The following SLC9D1 variants were observed in gnomAD, a reference collection of about 807,000 sequenced individuals.
SLC9D1 encodes the protein solute carrier family 9 member D1, also known as putative LAG1-interacting protein.
the SLC9D1 span, among the ~76,000 whole-genome samples, chr13:113,548,650 T>G: frequency 6.6e-6 from 1 of 152,258 alleles, no homozygotes; most frequent in Non-Finnish European, 1.5e-5. Flanking sequence ...CAGTTAGTAC[T>G]GCTTGAACTA....
the SLC9D1 span, among the ~76,000 whole-genome samples, chr13:113,535,500 T>C: frequency 1.3e-5 from 2 of 152,354 alleles, no homozygotes; most frequent in Non-Finnish European, 1.5e-5. This position sits in a 1 kb window ranked among gnomAD's most constrained non-coding sequence, Gnocchi z 4.1. Flanking sequence ...CAGTAGCCTG[T>C]ACACAGGTGT....
chr13:113,514,727 A>G, the SLC9D1 span, among the ~76,000 whole-genome samples: 1 of 151,950 alleles, frequency 6.6e-6, no homozygotes, highest in South Asian at 2.1e-4. Context: ...CTTGCTGCCA[A>G]GCTTTGTTTT....
chr13:113,510,862 T>G, the SLC9D1 span, among the ~76,000 whole-genome samples: 4 of 152,254 alleles, frequency 2.6e-5, no homozygotes, highest in Non-Finnish European at 4.4e-5. Context: ...TTCCCGACTC[T>G]TTGGCTTTGG....
At chr13:113,539,599 A>G in the SLC9D1 span, 1 of 1,340,796 alleles carries the variant, frequency 7.5e-7, no homozygotes, top group African/African-American at 1.5e-5. This position sits in a 1 kb window ranked among gnomAD's most constrained non-coding sequence, Gnocchi z 4.8. Context: ...TTTATATAGC[A>G]AAAATGGTTA....
the SLC9D1 span, chr13:113,514,204 G>A: frequency 2.0e-5 from 3 of 151,454 alleles, no homozygotes; most frequent in African/African-American, 4.9e-5. Flanking sequence ...CCTCACTATG[G>A]GGACAACTGT....
the SLC9D1 span, among the ~76,000 whole-genome samples, chr13:113,509,187 C>G: frequency 6.3e-5 from 6 of 94,836 alleles, no homozygotes; most frequent in African/African-American, 3.8e-4. Context: ...GCAGGTGGGT[C>G]CCCCCTGGAG....
At chr13:113,515,966 C>A in the SLC9D1 span, among the ~76,000 whole-genome samples, 1 of 147,956 alleles carries the variant, frequency 6.8e-6, no homozygotes, top group Non-Finnish European at 1.5e-5. Context: ...ACTTTGTGAA[C>A]TGGTTTATTG....
At chr13:113,549,293 G>A in the SLC9D1 span, 1 of 1,021,076 alleles carries the variant, frequency 9.8e-7, no homozygotes, top group East Asian at 2.6e-5. Flanking sequence ...CACTCAGCGT[G>A]ACTGTGCTCA....
At chr13:113,510,070 AG>A in the SLC9D1 span, among the ~76,000 whole-genome samples, 2 of 152,174 alleles carry the variant, frequency 1.3e-5, no homozygotes, top group Admixed American at 6.5e-5. Flanking sequence ...CCTGGCACAG[AG>A]GAAGCCCTGT....
the SLC9D1 span, chr13:113,514,450 T>C: frequency 2.6e-5 from 4 of 151,934 alleles, no homozygotes; most frequent in African/African-American, 9.7e-5. Context: ...GCCTCGCTAG[T>C]ATTCGGGGTG....
the SLC9D1 span, among the ~76,000 whole-genome samples, chr13:113,494,269 A>G: frequency 6.6e-6 from 1 of 152,042 alleles, no homozygotes; most frequent in Non-Finnish European, 1.5e-5. Context: ...TGGGATAGCT[A>G]CTTGTGACTG....
At chr13:113,547,020 CTGTGTGTTTTGCTGTG>C in the SLC9D1 span, 1 of 423,368 alleles carries the variant, frequency 2.4e-6, no homozygotes, top group Non-Finnish European at 4.3e-6. Context: ...AGTGCCGCCT[CTGTGTGTTTTGCTGTG>C]TCCTCTGCAG....
At chr13:113,516,417 T>C in the SLC9D1 span, among the ~76,000 whole-genome samples, 1 of 151,904 alleles carries the variant, frequency 6.6e-6, no homozygotes, top group African/African-American at 2.4e-5. Flanking sequence ...ATATAAAAAT[T>C]AGCCGGGCAT....
the SLC9D1 span, among the ~76,000 whole-genome samples, chr13:113,515,628 A>T: frequency 6.6e-6 from 1 of 152,194 alleles, no homozygotes; most frequent in Non-Finnish European, 1.5e-5. Context: ...ACGGTGGCTC[A>T]CGCTGGTAAT....
chr13:113,537,888 CGT>C, the SLC9D1 span, among the ~76,000 whole-genome samples: 3 of 151,980 alleles, frequency 2.0e-5, no homozygotes, highest in Admixed American at 2.0e-4. Flanking sequence ...ACCAAGTAGC[CGT>C]GTGTGTGTGC....
At chr13:113,534,108 G>A in the SLC9D1 span, 8 of 1,612,922 alleles carry the variant, frequency 5.0e-6, no homozygotes, top group Admixed American at 6.7e-5. Flanking sequence ...CACTAGCGGC[G>A]GTTTTTCTTT....
the SLC9D1 span, among the ~76,000 whole-genome samples, chr13:113,533,697 G>A: frequency 5.9e-5 from 9 of 152,326 alleles, no homozygotes; most frequent in East Asian, 1.9e-4. Flanking sequence ...GAGAGCAACC[G>A]CTGCCTGGCG....
the SLC9D1 span, among the ~76,000 whole-genome samples, chr13:113,492,252 A>G: frequency 6.6e-6 from 1 of 152,184 alleles, no homozygotes; most frequent in East Asian, 1.9e-4. Context: ...CTGGGAATAC[A>G]GATAATTGTG....
At chr13:113,523,948 G>A in the SLC9D1 span, among the ~76,000 whole-genome samples, 3 of 152,142 alleles carry the variant, frequency 2.0e-5, no homozygotes, top group African/African-American at 7.2e-5. Flanking sequence ...TTACTGATTT[G>A]TAGTTTGAGT....
Sources: gnomAD v4.1 joint callset for allele counts (sites outside exome capture counted in the v4.1 genomes callset) on GRCh38, gnomAD v4.1.1 for gene constraint, Gnocchi (gnomAD v3.1) non-coding constraint, MANE v1.5 for transcripts, NCBI Gene and HGNC (gene_info 2026-07-23, HGNC 2026-07-21) for gene names.